Variants in STARD13 observed in about 807,000 individuals in gnomAD.
STARD13 encodes the protein stAR-related lipid transfer protein 13.
STARD13 carries 62 observed loss-of-function variants against 106.4 expected under a neutral mutation model. That is an observed-to-expected ratio of 0.58 (90% CI 0.48 to 0.72). STARD13 has a LOEUF of 0.72. STARD13 is among the 30% of genes least tolerant of loss of function. The pLI is 0.00. For synonymous variants in STARD13, 565 were observed against 553.0 expected, an observed-to-expected ratio of 1.02 and a Z score of -0.31; for missense variants, 1,387 against 1,424.0, an observed-to-expected ratio of 0.97 and a Z score of 0.42.
chr13:33,586,191 A>G, the STARD13 span, among the ~76,000 whole-genome samples: 14 of 152,370 alleles, frequency 9.2e-5, no homozygotes, highest in Admixed American at 9.2e-4. Context: ...ATTTTTGTGT[A>G]TGCAGAAGCT....
the STARD13 span, among the ~76,000 whole-genome samples, chr13:33,463,881 G>A: frequency 2.0e-5 from 3 of 151,772 alleles, no homozygotes; most frequent in African/African-American, 4.8e-5. Context: ...GCATGGTGGC[G>A]GGTACATGTA....
chr13:33,444,908 A>C, the STARD13 span, among the ~76,000 whole-genome samples: 1 of 152,248 alleles, frequency 6.6e-6, no homozygotes, highest in Non-Finnish European at 1.5e-5. Context: ...GACAGTCTAA[A>C]AACATCTTAG....
At chr13:33,332,470 G>A (rs1335226496) in intron 1 of STARD13, among the ~76,000 whole-genome samples, 4 of 152,104 alleles carry the variant, frequency 2.6e-5, no homozygotes. Flanking sequence ...TTATAAAAGG[G>A]ACCACAGAGA....
intron 1 of STARD13, among the ~76,000 whole-genome samples, chr13:33,255,151 A>G (rs1387524046): frequency 3.3e-5 from 5 of 150,738 alleles, no homozygotes; most frequent in African/African-American, 1.2e-4. Context: ...GGTGAGCCAC[A>G]CCCTTGTTGC....
chr13:33,337,617 C>T lies in STARD13; in HGVS notation c.124+12673G>A, dbSNP rs2138581126. ...AAACACTTTCTTTTTTGGGGGTTCA[C>T]CTTCCCCAAAAGCAAGGGGCACAGA... On this transcript the variant is annotated intron_variant, in intron 1 of 5. Coordinates refer to the STARD13 transcript ENST00000567873. Among the ~76,000 whole-genome samples, 3 of 152,216 alleles carry T rather than the reference C, an allele frequency of 2.0e-5. No individual in the cohort carries two copies. The East Asian group carries it at 5.8e-4, about 29-fold the overall frequency.
the STARD13 span, among the ~76,000 whole-genome samples, chr13:33,360,484 G>A: frequency 6.6e-6 from 1 of 151,646 alleles, no homozygotes; most frequent in Non-Finnish European, 1.5e-5. Context: ...GATTACAGGC[G>A]TGAGCCACTG....
chr13:33,488,487 G>C, the STARD13 span, among the ~76,000 whole-genome samples: 2 of 151,904 alleles, frequency 1.3e-5, no homozygotes, highest in African/African-American at 2.4e-5. Context: ...CCAATATCTG[G>C]CTCTTTCCTC....
chr13:33,618,297 T>C, the STARD13 span, among the ~76,000 whole-genome samples: 1 of 152,366 alleles, frequency 6.6e-6, no homozygotes, highest in Admixed American at 6.5e-5. Flanking sequence ...AACTTTTATA[T>C]GTCAGTCATT....
the STARD13 span, among the ~76,000 whole-genome samples, chr13:33,439,449 C>A: frequency 6.6e-6 from 1 of 152,192 alleles, no homozygotes; most frequent in African/African-American, 2.4e-5. Flanking sequence ...TGTGTAAAAT[C>A]AACTTTACAA....
chr13:33,413,665 TC>T, the STARD13 span, among the ~76,000 whole-genome samples: 9 of 151,040 alleles, frequency 6.0e-5, no homozygotes, highest in Admixed American at 1.3e-4. Context: ...ACAAACAAAA[TC>T]CCACAATCCA....
intron 1 of STARD13, among the ~76,000 whole-genome samples, chr13:33,240,990 A>G (rs960741435): frequency 5.9e-5 from 9 of 152,218 alleles, no homozygotes; most frequent in African/African-American, 1.2e-4. Context: ...TTTTCTACAT[A>G]TAAGATCATG....
At chr13:33,489,491 C>A in the STARD13 span, among the ~76,000 whole-genome samples, 10 of 152,136 alleles carry the variant, frequency 6.6e-5, no homozygotes, top group Non-Finnish European at 1.3e-4. Context: ...TGACCAATGT[C>A]TAATACATGA....
At chr13:33,469,669 T>C in the STARD13 span, among the ~76,000 whole-genome samples, 5 of 152,142 alleles carry the variant, frequency 3.3e-5, no homozygotes, top group South Asian at 1.0e-3. Flanking sequence ...CTCATAAAAA[T>C]TCTGTGAAAT....
chr13:33,589,900 G>A, the STARD13 span, among the ~76,000 whole-genome samples: 3 of 152,146 alleles, frequency 2.0e-5, no homozygotes, highest in Non-Finnish European at 4.4e-5. Flanking sequence ...ACAGTGGGGT[G>A]TTAAAGTCTC....
At chr13:33,528,883 T>C in the STARD13 span, among the ~76,000 whole-genome samples, 14 of 152,310 alleles carry the variant, frequency 9.2e-5, no homozygotes, top group Admixed American at 2.0e-4. Flanking sequence ...ATTATCATTC[T>C]AATTTTTGCC....
At chr13:33,106,222 C>T (rs1209818643) in intron 13 of STARD13, among the ~76,000 whole-genome samples, 2 of 152,174 alleles carry the variant, frequency 1.3e-5, no homozygotes, top group East Asian at 3.9e-4. Flanking sequence ...GAGATTGAGA[C>T]CAGCCTGGCC....
At chr13:33,546,621 A>C in the STARD13 span, among the ~76,000 whole-genome samples, 1 of 151,726 alleles carries the variant, frequency 6.6e-6, no homozygotes, top group African/African-American at 2.4e-5. Flanking sequence ...TGATGAGCTA[A>C]ATTTATTTAT....
the STARD13 span, among the ~76,000 whole-genome samples, chr13:33,441,250 A>G: frequency 6.6e-6 from 1 of 152,184 alleles, no homozygotes; most frequent in Non-Finnish European, 1.5e-5. Flanking sequence ...GGTAATACCT[A>G]GAAAATTGCA....
Position 33,334,955 on chromosome 13 carries a change from G to A in STARD13, c.124+15335C>T, listed in dbSNP as rs562010487. 2.1e-4 allele frequency: 32 copies of A among 150,362 alleles called. 1 individual carries two copies. Among genetic ancestry groups the A allele is most frequent in the Middle Eastern group, 3.2e-3 (1 of 310 alleles). 9.3% of individuals were successfully genotyped at this position (150,362 alleles called of 1,614,324 possible). A position where few individuals can be genotyped will look rare whatever the true frequency, so the allele number is the denominator to read the frequency against. On this transcript the variant is annotated intron_variant, in intron 1 of 5. Coordinates refer to the STARD13 transcript ENST00000567873. Reference sequence around the variant, plus strand: ...GCTTTTCTGGTAATTCCGATGCTCCGTGAGGTTTGGGTGTCACTGGCTGGA... The same window carrying A: ...GCTTTTCTGGTAATTCCGATGCTCCATGAGGTTTGGGTGTCACTGGCTGGA...
Sources: allele counts gnomAD v4.1 joint callset (sites outside exome capture counted in the v4.1 genomes callset), GRCh38; gene constraint gnomAD v4.1.1; transcripts MANE v1.5; gene names NCBI Gene and HGNC (gene_info 2026-07-23, HGNC 2026-07-21).